The following KCNJ6 variants were observed in gnomAD, a reference collection of about 807,000 sequenced individuals.
KCNJ6 encodes the protein G protein-activated inward rectifier potassium channel 2.
In KCNJ6, 9 loss-of-function variants were observed where a neutral mutation model predicts 34.2. The observed-to-expected ratio is 0.26, with a 90% confidence interval of 0.16 to 0.46. The LOEUF (loss-of-function observed/expected upper bound fraction) is 0.46, where lower values mean the gene tolerates loss of function less well. Ranked by LOEUF, KCNJ6 falls within the 20% of genes least tolerant of loss-of-function variation. The pLI is 1.00. For missense variants in KCNJ6, 236 were observed against 531.3 expected (o/e 0.44, Z 5.46); for synonymous variants, 196 against 207.1 (o/e 0.95, Z 0.46).
At chr21:37,636,030 C>A (rs562443737) in intron 3 of KCNJ6, among the ~76,000 whole-genome samples, 131 of 152,268 alleles carry the variant, frequency 8.6e-4, no homozygotes, top group Admixed American at 3.0e-3. Flanking sequence ...TAGGGGAGAG[C>A]TACTGGTCTA....
intron 1 of KCNJ6, among the ~76,000 whole-genome samples, chr21:37,856,805 C>T (rs2055567486): frequency 6.6e-6 from 1 of 152,054 alleles, no homozygotes; most frequent in Non-Finnish European, 1.5e-5. Flanking sequence ...CCCCTAAGCC[C>T]CAGGTCAGAA....
rs375432357 is a variant in KCNJ6 at position 37,776,969 on chromosome 21, G to A, written c.26-61838C>T. ...TCTGGTAGAATTTGGCTGTGAATCC[G>A]TCTGGTCCTGGACTTTTTTTGGTTG... On this transcript the variant is annotated intron_variant, in intron 2 of 3. Transcript: ENST00000609713. Among the ~76,000 whole-genome samples, 67 of 152,232 alleles carry A rather than the reference G, an allele frequency of 4.4e-4. 2 individuals are homozygous for A. The South Asian group carries it at 0.014, about 31-fold the overall frequency.
chr21:37,672,047 T>G (rs1202897817), intron 3 of KCNJ6, among the ~76,000 whole-genome samples: 1 of 152,054 alleles, frequency 6.6e-6, no homozygotes, highest in African/African-American at 2.4e-5. Context: ...TTTCTGTTTC[T>G]TTTTTTTACT....
At chr21:37,913,685 G>T (rs540948858) in intron 1 of KCNJ6, among the ~76,000 whole-genome samples, 6 of 152,288 alleles carry the variant, frequency 3.9e-5, no homozygotes, top group African/African-American at 1.4e-4. Flanking sequence ...AGGTGTTGTG[G>T]TGTGCGCCTG....
In KCNJ6 at chr21:37,617,074, TTTC is replaced by T. The variant is rs1349846734; in HGVS notation, c.*8082_*8084del. On this transcript the variant is annotated 3_prime_UTR_variant, in exon 4 of 4. Coordinates refer to ENST00000609713, the MANE Select transcript of KCNJ6 (RefSeq NM_002240.5). ...TTTCTTTTCTTTTCTTTTCTTTTCT[TTTC>T]TTTCTTTTTCTTTCTTTCTTTTCTT... The T allele has an allele frequency of 2.9e-4, 32 of 108,660 alleles. No individual in the cohort carries two copies. Among genetic ancestry groups the T allele is most frequent in the Admixed American group, 8.2e-4 (8 of 9,698 alleles). The allele number at this position is 108,660 out of a possible 1,614,324, so 6.7% of individuals were successfully genotyped here.
intron 2 of KCNJ6, among the ~76,000 whole-genome samples, chr21:37,788,987 T>C (rs561497952): frequency 3.9e-5 from 6 of 152,338 alleles, no homozygotes; most frequent in South Asian, 4.1e-4. Flanking sequence ...ATCGAAAAGA[T>C]TGAAGCTTCT....
chr21:37,885,095 T>C (rs1179219729), intron 1 of KCNJ6, among the ~76,000 whole-genome samples: 1 of 152,202 alleles, frequency 6.6e-6, no homozygotes, highest in Non-Finnish European at 1.5e-5. Flanking sequence ...CAGTCCTATC[T>C]CATTCTGTCC....
chr21:37,814,930 T>C lies in KCNJ6; in HGVS notation c.25+25728A>G, dbSNP rs182766988. 2.6e-5 allele frequency among the ~76,000 whole-genome samples: 4 copies of C among 151,264 alleles called. No homozygotes were observed. In the East Asian group the frequency reaches 5.8e-4, roughly 22 times the overall value. ...AAAAAAAAAAAAGAACGAGAATTTT[T>C]CCATGGATGGAAAAATTCCGTCCAT... On this transcript the variant is annotated intron_variant, in intron 2 of 3. Coordinates refer to ENST00000609713, the MANE Select transcript of KCNJ6 (RefSeq NM_002240.5).
At chr21:37,868,028 G>T (rs2055631746) in intron 1 of KCNJ6, among the ~76,000 whole-genome samples, 1 of 152,156 alleles carries the variant, frequency 6.6e-6, no homozygotes, top group Non-Finnish European at 1.5e-5. Flanking sequence ...GCAGGAATGG[G>T]GACCATCTTT....
intron 2 of KCNJ6, among the ~76,000 whole-genome samples, chr21:37,837,272 T>A (rs2055456697): frequency 6.6e-6 from 1 of 152,232 alleles, no homozygotes; most frequent in Admixed American, 6.5e-5. Context: ...GTATTTTTAA[T>A]GTATTAAAGT....
intron 2 of KCNJ6, among the ~76,000 whole-genome samples, chr21:37,793,499 T>C (rs1227127470): frequency 7.9e-6 from 1 of 125,916 alleles, no homozygotes; most frequent in Non-Finnish European, 1.5e-5. Flanking sequence ...TGAACCAAGA[T>C]AGCGCCACTG....
intron 1 of KCNJ6, among the ~76,000 whole-genome samples, chr21:37,887,629 G>T (rs2055742316): frequency 2.0e-5 from 3 of 152,190 alleles, no homozygotes; most frequent in South Asian, 4.1e-4. Context: ...ATGTGTGGTG[G>T]TGATTTTAGG....
intron 2 of KCNJ6, among the ~76,000 whole-genome samples, chr21:37,720,748 C>T (rs56329555): frequency 0.25 from 36,669 of 149,210 alleles, 4,649 homozygotes; most frequent in East Asian, 0.28. Flanking sequence ...TCGCCCAGGC[C>T]GGACTGCGGA....
In KCNJ6 at chr21:37,613,980, G is replaced by A. The variant is rs965474717; in HGVS notation, c.*11179C>T. 1 of 152,188 alleles carries A rather than the reference G, an allele frequency of 6.6e-6. No homozygotes were observed. Among genetic ancestry groups the A allele is most frequent in the Non-Finnish European group, 1.5e-5 (1 of 68,092 alleles). 9.4% of individuals were successfully genotyped at this position (152,188 alleles called of 1,614,324 possible). A position where few individuals can be genotyped will look rare whatever the true frequency, so the allele number is the denominator to read the frequency against. On this transcript the variant is annotated 3_prime_UTR_variant, in exon 4 of 4. Coordinates refer to ENST00000609713, the MANE Select transcript of KCNJ6 (RefSeq NM_002240.5). Reference sequence around the variant, plus strand: ...ATTGTGGTTTGGCATATCACTCGTGGGGGCGGCCATGCATGCGGGGGCCGG... The same window carrying A: ...ATTGTGGTTTGGCATATCACTCGTGAGGGCGGCCATGCATGCGGGGGCCGG...
chr21:37,877,236 C>T (rs187932275), intron 1 of KCNJ6, among the ~76,000 whole-genome samples: 94 of 152,292 alleles, frequency 6.2e-4, no homozygotes, highest in African/African-American at 2.2e-3. Flanking sequence ...CACCTTTTCT[C>T]CCCAGGTCTC....
intron 1 of KCNJ6, among the ~76,000 whole-genome samples, chr21:37,874,939 C>T (rs950166355): frequency 6.6e-6 from 1 of 152,206 alleles, no homozygotes; most frequent in Non-Finnish European, 1.5e-5. Context: ...AAACTATTCT[C>T]AGCACAGCAA....
intron 3 of KCNJ6, among the ~76,000 whole-genome samples, chr21:37,712,481 T>TCCC (rs1195764505): frequency 1.9e-5 from 1 of 53,454 alleles, no homozygotes; most frequent in Non-Finnish European, 4.1e-5. Flanking sequence ...CCCTCCTCCC[T>TCCC]TTCTCTTCCC....
chr21:37,884,194 C>T lies in KCNJ6; in HGVS notation c.-28+31690G>A, dbSNP rs76707619. Among the ~76,000 whole-genome samples the T allele has an allele frequency of 2.0e-4, 30 of 152,286 alleles. No individual in the cohort carries two copies. The East Asian group carries it at 5.0e-3, about 25-fold the overall frequency. Reference sequence around the variant, plus strand: ...GTCTGGGCCTATAAGCCAGGTGTGTCGTCAGGGCTCTATGGATGCATTTCC... The same window carrying T: ...GTCTGGGCCTATAAGCCAGGTGTGTTGTCAGGGCTCTATGGATGCATTTCC... On this transcript the variant is annotated intron_variant, in intron 1 of 3. Transcript: ENST00000609713.
chr21:37,793,331 C>A (rs73206053), intron 2 of KCNJ6, among the ~76,000 whole-genome samples: 2 of 152,196 alleles, frequency 1.3e-5, no homozygotes, highest in Non-Finnish European at 2.9e-5. Flanking sequence ...GACAACCAGA[C>A]CTGTGACACC....
Sources: allele counts gnomAD v4.1 joint callset (sites outside exome capture counted in the v4.1 genomes callset), GRCh38; gene constraint gnomAD v4.1.1; transcripts MANE v1.5; gene names NCBI Gene and HGNC (gene_info 2026-07-23, HGNC 2026-07-21).